SPATA31H1: variants seen among roughly 807,000 people sequenced by gnomAD.
SPATA31H1 encodes spermatogenesis-associated protein 31H1.
the SPATA31H1 span, chr2:27,581,426 C>T: frequency 2.1e-5 from 34 of 1,613,626 alleles, no homozygotes; most frequent in South Asian, 1.1e-4. Flanking sequence ...GCAGTCCCCC[C>T]GAGAGGAGCT....
the SPATA31H1 span, among the ~76,000 whole-genome samples, chr2:27,555,960 C>T: frequency 6.6e-6 from 1 of 151,432 alleles, no homozygotes; most frequent in African/African-American, 2.4e-5. Context: ...GGTGAAACAC[C>T]GTCTCTACTA....
chr2:27,564,477 GT>G, the SPATA31H1 span, among the ~76,000 whole-genome samples: 1 of 152,114 alleles, frequency 6.6e-6, no homozygotes, highest in Non-Finnish European at 1.5e-5. Context: ...ATTTTGGCCT[GT>G]AAGGATTTCC....
chr2:27,545,881 C>T, the SPATA31H1 span, among the ~76,000 whole-genome samples: 1 of 152,024 alleles, frequency 6.6e-6, no homozygotes, highest in Admixed American at 6.5e-5. Flanking sequence ...TCATTTTAGT[C>T]ACTCTGGTGA....
chr2:27,580,725 T>C, the SPATA31H1 span: 46 of 1,614,080 alleles, frequency 2.8e-5, no homozygotes, highest in Middle Eastern at 1.6e-4. Context: ...AGACAATTTG[T>C]GGGCAAGCAA....
At chr2:27,572,438 C>T in the SPATA31H1 span, 1 of 398,018 alleles carries the variant, frequency 2.5e-6, no homozygotes, top group South Asian at 1.3e-4. Flanking sequence ...TGAAACTTTC[C>T]ATACAGTTGG....
the SPATA31H1 span, chr2:27,579,839 G>A: frequency 6.2e-7 from 1 of 1,614,182 alleles, no homozygotes; most frequent in Non-Finnish European, 8.5e-7. Context: ...TAGAAGATCT[G>A]CAGCTAAAAA....
the SPATA31H1 span, chr2:27,574,154 G>A: frequency 1.5e-5 from 6 of 398,322 alleles, no homozygotes; most frequent in Non-Finnish European, 2.2e-5. Context: ...AGTCGATACC[G>A]AAGACAAAGC....
At chr2:27,547,260 G>A in the SPATA31H1 span, among the ~76,000 whole-genome samples, 15 of 150,270 alleles carry the variant, frequency 1.0e-4, no homozygotes, top group East Asian at 2.0e-4. Flanking sequence ...TGCAACTTCC[G>A]CCTTCCAGGT....
At chr2:27,573,022 C>T in the SPATA31H1 span, 1 of 398,248 alleles carries the variant, frequency 2.5e-6, no homozygotes, top group Non-Finnish European at 4.4e-6. Context: ...CAGTGGATAT[C>T]AGGACCTGAG....
At chr2:27,564,069 C>T in the SPATA31H1 span, among the ~76,000 whole-genome samples, 3 of 152,104 alleles carry the variant, frequency 2.0e-5, no homozygotes, top group South Asian at 4.1e-4. Flanking sequence ...TCATCTTTTG[C>T]CCTAAAGCAT....
chr2:27,548,169 G>T, the SPATA31H1 span, among the ~76,000 whole-genome samples: 1 of 151,630 alleles, frequency 6.6e-6, no homozygotes, highest in Admixed American at 6.6e-5. Flanking sequence ...TTTTAGTAGA[G>T]ACGGGGTTTC....
chr2:27,577,326 T>C, the SPATA31H1 span: 2 of 1,614,080 alleles, frequency 1.2e-6, no homozygotes, highest in Middle Eastern at 1.6e-4. The surrounding 1 kb of genome is among the most constrained non-coding windows in gnomAD (Gnocchi z 4.5). Context: ...GGGGGAGTTA[T>C]ATATGAAGCC....
At chr2:27,574,168 A>G in the SPATA31H1 span, 1 of 398,542 alleles carries the variant, frequency 2.5e-6, no homozygotes, top group Non-Finnish European at 4.4e-6. Context: ...ACAAAGCTTC[A>G]AGAAGTGAAA....
At chr2:27,564,444 C>A in the SPATA31H1 span, among the ~76,000 whole-genome samples, 4 of 152,180 alleles carry the variant, frequency 2.6e-5, no homozygotes, top group Admixed American at 6.5e-5. Flanking sequence ...ATTTTCTACT[C>A]ATGTTTTTCA....
the SPATA31H1 span, among the ~76,000 whole-genome samples, chr2:27,541,050 G>C: frequency 2.1e-5 from 3 of 142,548 alleles, no homozygotes; most frequent in Non-Finnish European, 4.5e-5. Flanking sequence ...CTGGGAGGTG[G>C]AGGTTGTAGC....
chr2:27,549,896 A>G, the SPATA31H1 span, among the ~76,000 whole-genome samples: 1 of 151,894 alleles, frequency 6.6e-6, no homozygotes, highest in African/African-American at 2.4e-5. Flanking sequence ...GCCTCAAGCA[A>G]TCCTCTCACC....
chr2:27,568,440 G>T, the SPATA31H1 span: 1,841 of 399,012 alleles, frequency 4.6e-3, 30 homozygotes, highest in African/African-American at 0.033. Flanking sequence ...AATGATCTCA[G>T]CACCATTACA....
the SPATA31H1 span, among the ~76,000 whole-genome samples, chr2:27,556,693 T>TA: frequency 0.38 from 35,208 of 92,366 alleles, 4,955 homozygotes; most frequent in South Asian, 0.57. Context: ...AGGGCATATA[T>TA]TTTTTTTTTT....
the SPATA31H1 span, chr2:27,580,772 C>T: frequency 6.2e-7 from 1 of 1,614,170 alleles, no homozygotes; most frequent in Non-Finnish European, 8.5e-7. Flanking sequence ...GGGACTATTG[C>T]TTACCAAGCA....
Sources: allele counts gnomAD v4.1 joint callset (sites outside exome capture counted in the v4.1 genomes callset), GRCh38; gene constraint gnomAD v4.1.1; non-coding constraint Gnocchi (gnomAD v3.1); transcripts MANE v1.5; gene names NCBI Gene and HGNC (gene_info 2026-07-23, HGNC 2026-07-21).